PCDHGA5: variants seen among roughly 807,000 people sequenced by gnomAD.
PCDHGA5 encodes the protein protocadherin gamma-A5.
A neutral mutation model predicts 56.7 loss-of-function variants in PCDHGA5; 36 were observed. That is an observed-to-expected ratio of 0.64 (90% CI 0.49 to 0.84). The LOEUF (loss-of-function observed/expected upper bound fraction) is 0.84. Ranked by LOEUF, PCDHGA5 falls within the 40% of genes least tolerant of loss-of-function variation. The probability of loss-of-function intolerance (pLI) is 0.00; values close to 1 mark genes in which losing one functional copy is unlikely to be tolerated. For missense variants in PCDHGA5, 1,305 were observed against 1,201.5 expected, an observed-to-expected ratio of 1.09 and a Z score of -1.27; for synonymous variants, 563 against 520.2, an observed-to-expected ratio of 1.08 and a Z score of -1.12.
At chr5:141,498,967 GGGAGGGAAGGAA>G (rs1374222518) in intron 2 of PCDHGA5, among the ~76,000 whole-genome samples, 13 of 129,674 alleles carry the variant, frequency 1.0e-4, no homozygotes, top group South Asian at 5.5e-4. Context: ...GAGGGAGGGA[GGGAGGGAAGGAA>G]GGAAGGAAGG....
At position 141,413,888 on chromosome 5, in the gene PCDHGA5, A is replaced by G. The variant is rs777389288; in HGVS notation, c.2421+47137A>G. On this transcript the variant is annotated intron_variant, in intron 1 of 3. Transcript: ENST00000518069. Reference sequence around the variant, plus strand: ...GTCCTTGTCAGTGTGACTGTCTTCGATGCAAATGACAACGCGCCGGTCTTC... The same window carrying G: ...GTCCTTGTCAGTGTGACTGTCTTCGGTGCAAATGACAACGCGCCGGTCTTC... The G allele has an allele frequency of 2.5e-5, 40 of 1,613,256 alleles. No individual in the cohort carries two copies. Among genetic ancestry groups the G allele is most frequent in the Non-Finnish European group, 3.4e-5 (40 of 1,179,886 alleles).
In PCDHGA5 at chr5:141,510,989, C is replaced by A. The variant is rs2099883548; in HGVS notation, c.2612C>A (p.Thr871Asn). The A allele has an allele frequency of 1.2e-6, 2 of 1,614,198 alleles. No homozygotes were observed. The highest frequency in any genetic ancestry group is 1.7e-6 in the Non-Finnish European group (2 of 1,180,022). ...TCCACCCTGGGAGGGGGTGCCGGCA[C>A]CATGGGATTGAGCGCCCGCTACGGA... is the stretch of plus-strand genomic sequence containing the variant. ...GSSTLGGGAG[T>N]MGLSARYGPQ... Residue 871 changes from threonine to asparagine, a missense_variant, in exon 4 of 4, where the codon ACC becomes AAC. Thr to Asn is a moderately conservative substitution (Grantham distance 65, BLOSUM62 0). Transcript: ENST00000518069.
In PCDHGA5 at chr5:141,365,440, C is replaced by T; in HGVS notation, c.1110C>T (p.Ser370=). 1.9e-6 allele frequency: 3 copies of T among 1,613,954 alleles called. No individual in the cohort carries two copies. Among genetic ancestry groups the T allele is most frequent in the Non-Finnish European group, 1.7e-6 (2 of 1,179,894 alleles). Reference sequence around the variant, plus strand: ...CCGGAACTGTAATCGCGCTGTTTAGCGTACATGATGGTGATTCTGGAGAAA... The same window carrying T: ...CCGGAACTGTAATCGCGCTGTTTAGTGTACATGATGGTGATTCTGGAGAAA... ...CLPGTVIALF[S]VHDGDSGENG... Residue 370 remains serine (S), a synonymous_variant, in exon 1 of 4, where the codon AGC becomes AGT. Coordinates refer to ENST00000518069, the MANE Select transcript of PCDHGA5 (RefSeq NM_018918.3).
At chr5:141,414,280 G>A (rs1448512468) in intron 1 of PCDHGA5, 2 of 1,613,604 alleles carry the variant, frequency 1.2e-6, no homozygotes, top group Admixed American at 1.7e-5. Context: ...TCTGGGAACA[G>A]TCGTAGCCCT....
chr5:141,433,048 G>T (rs777523454), intron 1 of PCDHGA5: 20 of 1,614,142 alleles, frequency 1.2e-5, no homozygotes, highest in Non-Finnish European at 1.5e-5. Flanking sequence ...CCACGGACTC[G>T]CGGAAGAGTC....
rs1763198104 is a variant in PCDHGA5, at chr5:141,364,166, C to T, written c.-165C>T. 4 of 715,060 alleles carry T rather than the reference C, an allele frequency of 5.6e-6. No individual in the cohort carries two copies. The highest frequency in any genetic ancestry group is 3.8e-5 in the Admixed American group (1 of 26,594). The allele number at this position is 715,060 out of a possible 1,614,324, so 44.3% of individuals were successfully genotyped here. On this transcript the variant is annotated 5_prime_UTR_variant, in exon 1 of 4. Coordinates refer to ENST00000518069, the MANE Select transcript of PCDHGA5 (RefSeq NM_018918.3). ...GAAAGAAGCTGCCGCAGAGGCGACCCGACTCTGCTCCCTCCATACTAAACA... is the reference window on the plus strand; with the variant it reads ...GAAAGAAGCTGCCGCAGAGGCGACCTGACTCTGCTCCCTCCATACTAAACA...
chr5:141,482,220 G>T (rs945741591), intron 1 of PCDHGA5, among the ~76,000 whole-genome samples: 8 of 152,148 alleles, frequency 5.3e-5, no homozygotes, highest in African/African-American at 1.9e-4. Flanking sequence ...ACTTGTTTTG[G>T]TGTGAAATTG....
At chr5:141,421,705 G>C (rs1249601582) in intron 1 of PCDHGA5, 1 of 1,613,944 alleles carries the variant, frequency 6.2e-7, no homozygotes, top group Non-Finnish European at 8.5e-7. Context: ...TAATGCTAGG[G>C]ATCCAGATGT....
At chr5:141,398,604 T>C (rs2093677345) in intron 1 of PCDHGA5, 1 of 1,613,930 alleles carries the variant, frequency 6.2e-7, no homozygotes, top group South Asian at 1.1e-5. Flanking sequence ...TAGCAGAAGA[T>C]GCAGATATTG....
intron 1 of PCDHGA5, chr5:141,389,202 A>G (rs2091644944): frequency 6.2e-6 from 10 of 1,613,852 alleles, no homozygotes; most frequent in Non-Finnish European, 8.5e-6. Context: ...CACCCTGCAC[A>G]TTGGTGATGT....
intron 1 of PCDHGA5, chr5:141,433,069 C>T (rs561950316): frequency 2.5e-6 from 4 of 1,614,080 alleles, no homozygotes; most frequent in African/African-American, 1.3e-5. Context: ...ACCTGATCTT[C>T]CCCCAGCCCA....
chr5:141,478,819 C>T, intron 1 of PCDHGA5: 8 of 1,447,842 alleles, frequency 5.5e-6, no homozygotes, highest in South Asian at 3.0e-5. Flanking sequence ...CACAACTAAC[C>T]AATCTTGCTA....
chr5:141,448,232 T>A (rs917554207), intron 1 of PCDHGA5, among the ~76,000 whole-genome samples: 1 of 152,094 alleles, frequency 6.6e-6, no homozygotes, highest in Admixed American at 6.6e-5. Context: ...ATGTGTGGGG[T>A]TTTCTTTGCA....
At chr5:141,375,118 A>T in intron 1 of PCDHGA5, 1 of 1,613,984 alleles carries the variant, frequency 6.2e-7, no homozygotes, top group Non-Finnish European at 8.5e-7. Context: ...ATAATGTACC[A>T]GAAGTGGTTG....
intron 1 of PCDHGA5, chr5:141,440,019 G>A (rs747595475): frequency 6.5e-5 from 10 of 153,114 alleles, no homozygotes; most frequent in Non-Finnish European, 8.8e-5. Flanking sequence ...AAGGATCTGG[G>A]ACTCAGTGTC....
At chr5:141,381,826 C>CTTT (rs770630741) in intron 1 of PCDHGA5, among the ~76,000 whole-genome samples, 5,488 of 73,990 alleles carry the variant, frequency 0.074, 263 homozygotes, top group Admixed American at 0.16. Context: ...CTTTCTTCTT[C>CTTT]TTTTTTTTTT....
Position 141,408,151 on chromosome 5 carries a change from T to G in PCDHGA5, c.2421+41400T>G, listed in dbSNP as rs2154539780. ...CGAATGCTCTTTTAGCGCGGTAGAG[T>G]GCACTTTCTCCAACTGGAAAAGCGG... On this transcript the variant is annotated intron_variant, in intron 1 of 3. Transcript: ENST00000518069. 3.3e-6 allele frequency: 5 copies of G among 1,506,938 alleles called. No individual in the cohort carries two copies. In the East Asian group the frequency reaches 1.2e-4, roughly 37 times the overall value. 93.3% of individuals were successfully genotyped at this position (1,506,938 alleles called of 1,614,324 possible). A position where few individuals can be genotyped will look rare whatever the true frequency, so the allele number is the denominator to read the frequency against.
chr5:141,433,110 G>C (rs1031253372), intron 1 of PCDHGA5: 1 of 1,614,098 alleles, frequency 6.2e-7, no homozygotes, highest in Middle Eastern at 1.7e-4. Context: ...AGCCAGGAGA[G>C]CTTTGAAAAA....
chr5:141,403,580 C>G, intron 1 of PCDHGA5: 1 of 1,613,942 alleles, frequency 6.2e-7, no homozygotes, highest in Non-Finnish European at 8.5e-7. Flanking sequence ...TGCCCACCAC[C>G]TGGTCCTCAC....
Sources: gnomAD v4.1 joint callset for allele counts (sites outside exome capture counted in the v4.1 genomes callset) on GRCh38, gnomAD v4.1.1 for gene constraint, MANE v1.5 for transcripts, NCBI Gene and HGNC (gene_info 2026-07-23, HGNC 2026-07-21) for gene names.